The following PDE4B variants were observed in gnomAD, a reference collection of about 807,000 sequenced individuals.
The protein encoded by PDE4B is phosphodiesterase 4B, also known as 3',5'-cyclic-AMP phosphodiesterase 4B.
Under a neutral mutation model 82.2 loss-of-function variants are expected in PDE4B, and 20 were observed. The observed-to-expected ratio is 0.24, with a 90% CI of 0.17 to 0.35. The LOEUF (loss-of-function observed/expected upper bound fraction) is 0.35, where lower values mean the gene tolerates loss of function less well. Among genes scored for constraint, PDE4B ranks in the 10% least tolerant of loss-of-function variants. The pLI, the probability that PDE4B is intolerant of heterozygous loss-of-function variation, is 1.00. For synonymous variants in PDE4B, 320 were observed against 318.9 expected, an observed-to-expected ratio of 1.00 and a Z score of -0.04; for missense variants, 655 against 907.2, an observed-to-expected ratio of 0.72 and a Z score of 3.57.
At chr1:66,341,570 C>T (rs2101953714) in intron 8 of PDE4B, among the ~76,000 whole-genome samples, 1 of 152,226 alleles carries the variant, frequency 6.6e-6, no homozygotes, top group South Asian at 2.1e-4. Flanking sequence ...TTAAAAAAGC[C>T]TTAAATTTTT....
At chr1:65,914,765 C>T (rs1429991322) in intron 2 of PDE4B, among the ~76,000 whole-genome samples, 1 of 152,040 alleles carries the variant, frequency 6.6e-6, no homozygotes, top group Admixed American at 6.6e-5. Flanking sequence ...CCTGATCCTC[C>T]CTGAGGGAAT....
intron 3 of PDE4B, among the ~76,000 whole-genome samples, chr1:66,153,733 T>C (rs1316812580): frequency 2.0e-5 from 3 of 152,292 alleles, no homozygotes; most frequent in South Asian, 2.1e-4. Flanking sequence ...GCTGTAGAAG[T>C]GCAGTCACTT....
intron 15 of PDE4B, 28 bp downstream of exon 15, chr1:66,368,093 A>T: frequency 1.2e-6 from 2 of 1,608,192 alleles, no homozygotes; most frequent in Non-Finnish European, 1.7e-6. Flanking sequence ...TTGATTTAAC[A>T]CAAAACCAAA....
At chr1:65,910,241 C>T (rs1393333347) in intron 1 of PDE4B, among the ~76,000 whole-genome samples, 1 of 152,190 alleles carries the variant, frequency 6.6e-6, no homozygotes, top group Non-Finnish European at 1.5e-5. Flanking sequence ...GCAGAGGTTC[C>T]TGAAAAGAAT....
chr1:66,359,851 C>G (rs556831914), intron 9 of PDE4B, among the ~76,000 whole-genome samples: 1 of 152,232 alleles, frequency 6.6e-6, no homozygotes, highest in Admixed American at 6.5e-5. Context: ...GATTGTGTGG[C>G]AGGAAAAAGA....
chr1:66,247,674 G>A lies in PDE4B; in HGVS notation c.476+20G>A. 1 of 1,525,724 alleles carries A rather than the reference G, an allele frequency of 6.6e-7. No individual in the cohort carries two copies. The highest frequency in any genetic ancestry group is 1.4e-5 in the African/African-American group (1 of 72,184). The allele number at this position is 1,525,724 out of a possible 1,614,324, so 94.5% of individuals were successfully genotyped here. A position where few individuals can be genotyped will look rare whatever the true frequency, so the allele number is the denominator to read the frequency against. ...CGAGCAGTAAGTACAAGCTCTGTCT[G>A]GCTTCCAGTTTCACATTTACCTCAT... is the stretch of plus-strand genomic sequence containing the variant. On this transcript the variant is annotated intron_variant, in intron 4 of 16. Coordinates refer to ENST00000341517, the MANE Select transcript of PDE4B (RefSeq NM_002600.4).
intron 1 of PDE4B, among the ~76,000 whole-genome samples, chr1:65,838,508 T>C (rs1254932517): frequency 1.4e-5 from 2 of 148,046 alleles, no homozygotes; most frequent in East Asian, 1.9e-4. Context: ...TATACGTATA[T>C]GTATATATAT....
chr1:66,003,375 C>T (rs1651973428), intron 3 of PDE4B, among the ~76,000 whole-genome samples: 1 of 151,906 alleles, frequency 6.6e-6, no homozygotes, highest in Admixed American at 6.6e-5. Context: ...TTATCATCTT[C>T]ACTCTGTGAA....
chr1:65,944,438 G>T (rs1435977914), intron 3 of PDE4B, among the ~76,000 whole-genome samples: 1 of 151,848 alleles, frequency 6.6e-6, no homozygotes, highest in African/African-American at 2.4e-5. Context: ...GTAGTGCCCT[G>T]TCTGGCTTTG....
intron 3 of PDE4B, among the ~76,000 whole-genome samples, chr1:66,232,345 A>G (rs1355540498): frequency 1.3e-5 from 2 of 152,068 alleles, no homozygotes; most frequent in South Asian, 2.1e-4. Flanking sequence ...TCAGCACTAC[A>G]TTTTCAGACC....
At chr1:66,126,413 C>G (rs572363148) in intron 3 of PDE4B, among the ~76,000 whole-genome samples, 1 of 152,120 alleles carries the variant, frequency 6.6e-6, no homozygotes, top group Admixed American at 6.5e-5. Context: ...CTATGTACCC[C>G]CCTACACATT....
At chr1:65,988,064 A>G (rs1651048331) in intron 3 of PDE4B, among the ~76,000 whole-genome samples, 1 of 152,228 alleles carries the variant, frequency 6.6e-6, no homozygotes, top group African/African-American at 2.4e-5. Flanking sequence ...GCCCAGCCCA[A>G]AAGGATTTTA....
intron 3 of PDE4B, among the ~76,000 whole-genome samples, chr1:66,088,611 T>C (rs1160448412): frequency 1.3e-5 from 2 of 152,162 alleles, no homozygotes; most frequent in Non-Finnish European, 2.9e-5. Flanking sequence ...TGCACCTTTT[T>C]AGACTAAGTG....
chr1:65,800,078 G>A (rs140193201), intron 1 of PDE4B, among the ~76,000 whole-genome samples: 3 of 152,222 alleles, frequency 2.0e-5, no homozygotes, highest in East Asian at 3.9e-4. Context: ...GTATATACTG[G>A]GGGGATTTTT....
chr1:66,032,251 C>T (rs1653817489), intron 3 of PDE4B, among the ~76,000 whole-genome samples: 1 of 152,206 alleles, frequency 6.6e-6, no homozygotes, highest in Non-Finnish European at 1.5e-5. Context: ...TCTTCTGAGA[C>T]ATATTCTATA....
intron 3 of PDE4B, among the ~76,000 whole-genome samples, chr1:66,033,127 G>GA (rs1240721441): frequency 6.6e-6 from 1 of 152,040 alleles, no homozygotes; most frequent in East Asian, 1.9e-4. Flanking sequence ...ATTAATAACA[G>GA]AAAAAAAGAA....
At chr1:66,202,531 C>A (rs1557630641) in intron 3 of PDE4B, among the ~76,000 whole-genome samples, 1 of 152,106 alleles carries the variant, frequency 6.6e-6, no homozygotes, top group African/African-American at 2.4e-5. Context: ...CTGGGTGCGC[C>A]TGTATTGGGT....
chr1:66,354,723 T>C, intron 8 of PDE4B: 1 of 1,445,052 alleles, frequency 6.9e-7, no homozygotes, highest in Non-Finnish European at 9.1e-7. Flanking sequence ...TTTTGTCTTT[T>C]CTAAGTTTTG....
Position 65,980,182 on chromosome 1 carries a change from C to T in PDE4B, c.281+61347C>T, listed in dbSNP as rs181723473. 9.3e-4 allele frequency among the ~76,000 whole-genome samples: 142 copies of T among 152,138 alleles called. 1 individual carries two copies. Among genetic ancestry groups the T allele is most frequent in the Non-Finnish European group, 1.5e-3 (103 of 67,994 alleles). ...TCTATATAAAATACATTTGAAAACACGACATTATGCACAAAAAACCATCAC... is the reference window on the plus strand; with the variant it reads ...TCTATATAAAATACATTTGAAAACATGACATTATGCACAAAAAACCATCAC... On this transcript the variant is annotated intron_variant, in intron 3 of 16. Transcript: ENST00000341517.
Sources: allele counts gnomAD v4.1 joint callset (sites outside exome capture counted in the v4.1 genomes callset), GRCh38; gene constraint gnomAD v4.1.1; transcripts MANE v1.5; gene names NCBI Gene and HGNC (gene_info 2026-07-23, HGNC 2026-07-21).